KSR2: variants seen among roughly 807,000 people sequenced by gnomAD.
The protein encoded by KSR2 is kinase suppressor of ras 2.
KSR2 carries 25 observed loss-of-function variants against 107.8 expected under a neutral mutation model. The ratio of observed to expected loss-of-function variants is 0.23; its 90% confidence interval spans 0.17 to 0.32. The LOEUF is 0.32. KSR2 is among the 10% of genes least tolerant of loss of function. The probability of loss-of-function intolerance (pLI) is 1.00; values close to 1 mark genes in which losing one functional copy is unlikely to be tolerated. For missense variants in KSR2, 887 were observed against 1,268.9 expected (o/e 0.70, Z 4.57); for synonymous variants, 480 against 507.0 (o/e 0.95, Z 0.71).
chr12:117,867,945 A>G (rs1213802482), intron 1 of KSR2, among the ~76,000 whole-genome samples: 1 of 152,242 alleles, frequency 6.6e-6, no homozygotes, highest in African/African-American at 2.4e-5. Flanking sequence ...CACCTGCTCC[A>G]GCAGGACCTT....
chr12:117,724,720 A>G (rs1238078232), intron 4 of KSR2, among the ~76,000 whole-genome samples: 1 of 152,224 alleles, frequency 6.6e-6, no homozygotes, highest in Non-Finnish European at 1.5e-5. Context: ...AATAAATGGG[A>G]GGAATCAACA....
At chr12:117,483,847 G>A (rs1288620757) in intron 16 of KSR2, among the ~76,000 whole-genome samples, 3 of 152,312 alleles carry the variant, frequency 2.0e-5, no homozygotes, top group Non-Finnish European at 4.4e-5. Flanking sequence ...TGCTTGATGC[G>A]TGTTCTCATT....
chr12:117,762,080 G>A (rs985398420), intron 3 of KSR2, among the ~76,000 whole-genome samples: 1 of 152,186 alleles, frequency 6.6e-6, no homozygotes, highest in Non-Finnish European at 1.5e-5. Flanking sequence ...CCATTCAACA[G>A]CCTTGCCTTC....
intron 7 of KSR2, among the ~76,000 whole-genome samples, chr12:117,559,416 G>T (rs1309859186): frequency 6.6e-6 from 1 of 152,130 alleles, no homozygotes; most frequent in Non-Finnish European, 1.5e-5. Context: ...CCATTTACTT[G>T]AAGATTCATT....
intron 3 of KSR2, among the ~76,000 whole-genome samples, chr12:117,853,232 G>T: frequency 6.6e-6 from 1 of 152,168 alleles, no homozygotes; most frequent in Non-Finnish European, 1.5e-5. Context: ...GAAAAATATG[G>T]ATATTTCCAA....
chr12:117,957,572 C>T (rs1001888874), intron 1 of KSR2, among the ~76,000 whole-genome samples: 1 of 152,096 alleles, frequency 6.6e-6, no homozygotes, highest in African/African-American at 2.4e-5. Context: ...ACAGTTGGGA[C>T]CACATGGGTG....
At chr12:117,746,852 C>G (rs1008069111) in intron 4 of KSR2, among the ~76,000 whole-genome samples, 3 of 151,648 alleles carry the variant, frequency 2.0e-5, no homozygotes, top group Non-Finnish European at 2.9e-5. Flanking sequence ...CACTGATCAT[C>G]AGAGAAATGC....
chr12:117,539,521 TA>T (rs979589745), intron 10 of KSR2, 197 bp downstream of exon 10: 2 of 508,252 alleles, frequency 3.9e-6, no homozygotes, highest in Non-Finnish European at 6.7e-6. Flanking sequence ...TTCCAAAGAT[TA>T]AATAAGTGAT....
Position 117,539,071 on chromosome 12 carries a change from C to G in KSR2, c.1687+648G>C, listed in dbSNP as rs573500839. 2.9e-4 allele frequency among the ~76,000 whole-genome samples: 44 copies of G among 152,340 alleles called. No individual in the cohort carries two copies. In the South Asian group the frequency reaches 8.9e-3, roughly 31 times the overall value. ...GCTTCTCTACTATCATCTCATAGCC[C>G]AGTGCATACTCTCTGGTCAACAGTC... On this transcript the variant is annotated intron_variant, in intron 10 of 19. Transcript: ENST00000339824.
At chr12:117,587,866 C>T (rs16947761) in intron 5 of KSR2, among the ~76,000 whole-genome samples, 1 of 152,192 alleles carries the variant, frequency 6.6e-6, no homozygotes, top group Non-Finnish European at 1.5e-5. Flanking sequence ...TAAGAGCTCC[C>T]TCTGGCGGTC....
chr12:117,811,036 T>C (rs1283721658), intron 3 of KSR2, among the ~76,000 whole-genome samples: 5 of 152,220 alleles, frequency 3.3e-5, no homozygotes, highest in Non-Finnish European at 5.9e-5. Flanking sequence ...GACCCATCAA[T>C]TGGTTGCTTC....
Position 117,761,080 on chromosome 12 carries a change from G to A in KSR2, c.917C>T (p.Thr306Ile), listed in dbSNP as rs1888990324. 2.5e-6 allele frequency: 4 copies of A among 1,613,820 alleles called. No homozygotes were observed. The highest frequency in any genetic ancestry group is 1.1e-5 in the South Asian group (1 of 91,080). ...GTGGGATTTGCTCCGATGCAGCGCG[G>A]TGAATCCCGGGATCAAGTGTATCAG... The part of the protein sequence containing the change: ...RKLIHLIPGF[T>I]ALHRSKSHEF... Residue 306 changes from threonine (T) to isoleucine (I), a missense_variant, in exon 4 of 20, where the codon ACC (threonine) becomes ATC (isoleucine). Around this residue, in one of 8 missense-constraint regions of KSR2, gnomAD observed 399 missense variants for 479.5 expected, o/e 0.83. Transcript: ENST00000339824.
chr12:117,738,801 G>C (rs1017137537), intron 4 of KSR2, among the ~76,000 whole-genome samples: 1 of 152,190 alleles, frequency 6.6e-6, no homozygotes, highest in Non-Finnish European at 1.5e-5. Flanking sequence ...CTTGAACCCA[G>C]GAGGCAGAGT....
chr12:117,887,275 T>C (rs1163963222), intron 1 of KSR2, among the ~76,000 whole-genome samples: 2 of 152,028 alleles, frequency 1.3e-5, no homozygotes, highest in African/African-American at 4.8e-5. Context: ...TTTGTTTCAT[T>C]TTGTTTTGTA....
At chr12:117,719,906 AG>A (rs1887139162) in intron 4 of KSR2, among the ~76,000 whole-genome samples, 1 of 152,176 alleles carries the variant, frequency 6.6e-6, no homozygotes, top group African/African-American at 2.4e-5. Flanking sequence ...TTGGGGGCGA[AG>A]GGCAATGCTT....
intron 3 of KSR2, among the ~76,000 whole-genome samples, chr12:117,783,618 G>T (rs183002538): frequency 6.6e-6 from 1 of 152,214 alleles, no homozygotes; most frequent in African/African-American, 2.4e-5. Context: ...ACAAGTCAAT[G>T]ACAGCAGGTG....
At chr12:117,955,350 T>C (rs1566098526) in intron 1 of KSR2, among the ~76,000 whole-genome samples, 1 of 152,068 alleles carries the variant, frequency 6.6e-6, no homozygotes, top group Non-Finnish European at 1.5e-5. Flanking sequence ...GATCTCAAAC[T>C]CCTGAGTTCA....
chr12:117,618,349 C>T (rs1231008106), intron 5 of KSR2, among the ~76,000 whole-genome samples: 1 of 151,966 alleles, frequency 6.6e-6, no homozygotes, highest in South Asian at 2.1e-4. Flanking sequence ...AACTTGAGCA[C>T]CAACATTTGT....
intron 5 of KSR2, among the ~76,000 whole-genome samples, chr12:117,631,548 T>C (rs188914416): frequency 6.6e-6 from 1 of 152,342 alleles, no homozygotes; most frequent in Admixed American, 6.5e-5. Flanking sequence ...ATCTTGACTT[T>C]TATCTACATT....
Sources: gnomAD v4.1 joint callset for allele counts (sites outside exome capture counted in the v4.1 genomes callset) on GRCh38, gnomAD v4.1.1 for gene constraint, gnomAD v4.1.1 regional missense constraint, MANE v1.5 for transcripts, NCBI Gene and HGNC (gene_info 2026-07-23, HGNC 2026-07-21) for gene names.